Variants in PRKAG2 observed in about 807,000 individuals in gnomAD.
PRKAG2 encodes the protein protein kinase AMP-activated non-catalytic subunit gamma 2, also known as 5'-AMP-activated protein kinase subunit gamma-2.
Under a neutral mutation model 69.6 loss-of-function variants are expected in PRKAG2, and 26 were observed. The observed-to-expected ratio is 0.37, with a 90% confidence interval of 0.27 to 0.52. PRKAG2 has a LOEUF of 0.52. Ranked by LOEUF, PRKAG2 falls within the 20% of genes least tolerant of loss-of-function variation. The pLI is 0.90. For synonymous variants in PRKAG2, 293 were observed against 285.0 expected (o/e 1.03, Z -0.28); for missense variants, 557 against 740.0 (o/e 0.75, Z 2.87).
At chr7:151,751,500 A>ATTAT (rs111268091) in intron 3 of PRKAG2, among the ~76,000 whole-genome samples, 36,833 of 150,060 alleles carry the variant, frequency 0.25, 4,549 homozygotes, top group Admixed American at 0.27. Context: ...TACTCTATTT[A>ATTAT]TTATTTATTT....
chr7:151,672,120 GAGA>G (rs774706567), intron 4 of PRKAG2, among the ~76,000 whole-genome samples: 31 of 135,534 alleles, frequency 2.3e-4, no homozygotes, highest in Non-Finnish European at 2.7e-4. Context: ...ATTTTTTTTT[GAGA>G]AGGAGTCTCG....
Position 151,756,610 on chromosome 7 carries a change from T to A in PRKAG2, c.466+24542A>T, listed in dbSNP as rs976707067. Among the ~76,000 whole-genome samples, 2 of 152,186 alleles carry A rather than the reference T, an allele frequency of 1.3e-5. No individual in the cohort carries two copies. Among genetic ancestry groups the A allele is most frequent in the African/African-American group, 4.8e-5 (2 of 41,442 alleles). ...AGACACCTTGGGCAACATCTGACCA[T>A]AGCTACAGCCCCTTTGGCTCCCGTT... On this transcript the variant is annotated intron_variant, in intron 3 of 15. Coordinates refer to ENST00000287878, the MANE Select transcript of PRKAG2 (RefSeq NM_016203.4). The surrounding 1 kb of genome is among the most constrained non-coding windows in gnomAD (Gnocchi z 4.9).
At chr7:151,598,154 T>C (rs1815093724) in intron 5 of PRKAG2, among the ~76,000 whole-genome samples, 1 of 152,180 alleles carries the variant, frequency 6.6e-6, no homozygotes, top group Non-Finnish European at 1.5e-5. Flanking sequence ...CTGACATCTG[T>C]GAGCACAGGA....
chr7:151,734,683 G>A (rs1024810707), intron 3 of PRKAG2, among the ~76,000 whole-genome samples: 3 of 152,112 alleles, frequency 2.0e-5, no homozygotes, highest in African/African-American at 7.2e-5. Flanking sequence ...CTGAGTAGCT[G>A]GGACTACAGG....
At chr7:151,723,478 C>G (rs1222855919) in intron 3 of PRKAG2, among the ~76,000 whole-genome samples, 1 of 152,252 alleles carries the variant, frequency 6.6e-6, no homozygotes, top group African/African-American at 2.4e-5. Context: ...TGGTGGCGAA[C>G]TGGCCCACGC....
intron 3 of PRKAG2, among the ~76,000 whole-genome samples, chr7:151,730,820 A>C (rs558133808): frequency 1.3e-5 from 2 of 152,326 alleles, no homozygotes; most frequent in East Asian, 3.9e-4. Context: ...CTGAATGTTC[A>C]TGGGCCAGGA....
intron 15 of PRKAG2, 26 bp downstream of exon 15, chr7:151,560,498 G>A (rs748656905): frequency 3.7e-6 from 6 of 1,614,000 alleles, no homozygotes; most frequent in Non-Finnish European, 5.1e-6. Flanking sequence ...GACGCCGATG[G>A]CAAAGGTCAG....
intron 1 of PRKAG2, among the ~76,000 whole-genome samples, chr7:151,833,579 T>C (rs950828860): frequency 6.6e-6 from 1 of 152,162 alleles, no homozygotes; most frequent in Non-Finnish European, 1.5e-5. Flanking sequence ...TCTCGGCTCT[T>C]AAGCCGATGG....
chr7:151,717,568 C>T (rs372298030), intron 3 of PRKAG2, among the ~76,000 whole-genome samples: 10 of 152,322 alleles, frequency 6.6e-5, no homozygotes, highest in African/African-American at 1.9e-4. Flanking sequence ...AGGGCTGCCC[C>T]GGCCCCAGAC....
intron 3 of PRKAG2, among the ~76,000 whole-genome samples, chr7:151,716,510 G>A (rs1248121251): frequency 1.3e-5 from 2 of 152,152 alleles, no homozygotes; most frequent in Non-Finnish European, 2.9e-5. Flanking sequence ...GGCTCAAAGG[G>A]CAGCCAGCCA....
chr7:151,759,777 T>A (rs2075308280), intron 3 of PRKAG2, among the ~76,000 whole-genome samples: 1 of 152,252 alleles, frequency 6.6e-6, no homozygotes, highest in East Asian at 1.9e-4. Context: ...GGGCTCCGCC[T>A]GGCCAGCTGT....
intron 1 of PRKAG2, among the ~76,000 whole-genome samples, chr7:151,869,786 C>T (rs1387249453): frequency 1.3e-5 from 2 of 152,238 alleles, no homozygotes; most frequent in Admixed American, 6.5e-5. Context: ...TGCTGCAGAG[C>T]GGCAACCAAG....
chr7:151,680,822 C>A (rs1833772437), intron 3 of PRKAG2, among the ~76,000 whole-genome samples: 1 of 152,224 alleles, frequency 6.6e-6, no homozygotes, highest in Non-Finnish European at 1.5e-5. Flanking sequence ...TCCTGTCTCC[C>A]ACTAGAATCA....
chr7:151,658,173 A>AT (rs1829753090), intron 4 of PRKAG2, among the ~76,000 whole-genome samples: 1 of 146,200 alleles, frequency 6.8e-6, no homozygotes, highest in South Asian at 2.2e-4. Flanking sequence ...AAATAAATAA[A>AT]TAAATAAATA....
chr7:151,782,139 T>A (rs2076703569), intron 2 of PRKAG2, among the ~76,000 whole-genome samples: 1 of 151,672 alleles, frequency 6.6e-6, no homozygotes, highest in African/African-American at 2.4e-5. Flanking sequence ...AAAAATTAGC[T>A]GGGCATGGTG....
At chr7:151,736,099 C>T in intron 3 of PRKAG2, 2 of 1,506,418 alleles carry the variant, frequency 1.3e-6, no homozygotes, top group Non-Finnish European at 1.8e-6. Flanking sequence ...GCCCGACAGG[C>T]ACAGGGCGCC....
intron 1 of PRKAG2, among the ~76,000 whole-genome samples, chr7:151,827,745 TAAAAAAAAAAAAAAA>T (rs55685618): frequency 1.3e-4 from 7 of 52,248 alleles, no homozygotes; most frequent in East Asian, 6.8e-4. Flanking sequence ...TGGCCTTAGG[TAAAAAAAAAAAAAAA>T]AAAAAAAAAA....
In PRKAG2 at chr7:151,576,452, C is replaced by T. The variant is rs397517282; in HGVS notation, c.865G>A (p.Val289Ile). 5 of 1,591,356 alleles carry T rather than the reference C, an allele frequency of 3.1e-6. No homozygotes were observed. Among genetic ancestry groups the T allele is most frequent in the Non-Finnish European group, 3.4e-6 (4 of 1,159,604 alleles). The change falls in exon 7 of 16, where the codon GTT (valine) becomes ATT (isoleucine). Residue 289 changes from valine to isoleucine, a missense_variant and splice_region_variant. This residue lies in a region of PRKAG2 where 205 missense variants were observed against 383.4 expected (regional missense o/e 0.53). Coordinates refer to ENST00000287878, the MANE Select transcript of PRKAG2 (RefSeq NM_016203.4). ...KLVVFDTTLQ[V>I]KKAFFALVAN... ...ACCAAAGCAAAGAAGGCCTTTTTAA[C>T]CTGAAGAAAAAGAGGAGAAACAAAA...
At position 151,638,957 on chromosome 7, in the gene PRKAG2, G is replaced by T. The variant is rs1443613362; in HGVS notation, c.685-6819C>A. Among the ~76,000 whole-genome samples the T allele has an allele frequency of 6.6e-6, 1 of 152,104 alleles. No homozygotes were observed. The highest frequency in any genetic ancestry group is 2.4e-5 in the African/African-American group (1 of 41,420). On this transcript the variant is annotated intron_variant, in intron 4 of 15. Coordinates refer to ENST00000287878, the MANE Select transcript of PRKAG2 (RefSeq NM_016203.4). This position sits in a 1 kb window ranked among gnomAD's most constrained non-coding sequence, Gnocchi z 4.3. ...GAGCTCCACTCTGCTCTGCAAGGGCGTCCTCCAAAGAGTAAAGAACGACGT... is the reference window on the plus strand; with the variant it reads ...GAGCTCCACTCTGCTCTGCAAGGGCTTCCTCCAAAGAGTAAAGAACGACGT...
Sources: gnomAD v4.1 joint callset for allele counts (sites outside exome capture counted in the v4.1 genomes callset) on GRCh38, gnomAD v4.1.1 for gene constraint, gnomAD v4.1.1 regional missense constraint, Gnocchi (gnomAD v3.1) non-coding constraint, MANE v1.5 for transcripts, NCBI Gene and HGNC (gene_info 2026-07-23, HGNC 2026-07-21) for gene names.